Variants in KDM4A observed in about 807,000 individuals in gnomAD.
KDM4A encodes the protein lysine demethylase 4A.
KDM4A carries 23 observed loss-of-function variants against 127.1 expected under a neutral mutation model. The ratio of observed to expected loss-of-function variants is 0.18; its 90% CI spans 0.13 to 0.26. The LOEUF (loss-of-function observed/expected upper bound fraction) is 0.26, where lower values mean the gene tolerates loss of function less well. Among genes scored for constraint, KDM4A ranks in the 10% least tolerant of loss-of-function variants. The pLI, the probability that KDM4A is intolerant of heterozygous loss-of-function variation, is 1.00. For missense variants in KDM4A, 890 were observed against 1,329.1 expected (o/e 0.67, Z 5.14); for synonymous variants, 443 against 466.5 (o/e 0.95, Z 0.65).
At chr1:43,660,158 A>G in intron 3 of KDM4A, 140 bp from the exon 4 acceptor site, 1 of 878,480 alleles carries the variant, frequency 1.1e-6, no homozygotes, top group Non-Finnish European at 1.8e-6. Context: ...ACTACGTATT[A>G]GAGCCTTGAA....
intron 11 of KDM4A, among the ~76,000 whole-genome samples, chr1:43,674,355 C>A (rs1281435124): frequency 6.6e-6 from 1 of 152,114 alleles, no homozygotes; most frequent in Non-Finnish European, 1.5e-5. Context: ...GTGGGAGGTG[C>A]AGGAAGCCAA....
intron 11 of KDM4A, among the ~76,000 whole-genome samples, chr1:43,679,558 C>A (rs1570849272): frequency 6.6e-6 from 1 of 152,124 alleles, no homozygotes; most frequent in Non-Finnish European, 1.5e-5. Context: ...ATCTGGGCTG[C>A]CTGCTGTTCA....
chr1:43,655,494 A>G (rs1028324908), intron 2 of KDM4A, 97 bp from the exon 3 acceptor site: 4 of 1,049,336 alleles, frequency 3.8e-6, no homozygotes, highest in Non-Finnish European at 5.6e-6. Context: ...GTCTAGTAAA[A>G]TTGACTGTTA....
chr1:43,699,650 A>G (rs763013232), intron 19 of KDM4A: 2 of 152,140 alleles, frequency 1.3e-5, no homozygotes, highest in Non-Finnish European at 2.9e-5. Context: ...ATTTTTTTAG[A>G]TTAAAAATAA....
intron 5 of KDM4A, 102 bp downstream of exon 5, chr1:43,663,189 C>G (rs1254789340): frequency 1.0e-6 from 1 of 981,938 alleles, no homozygotes; most frequent in East Asian, 2.5e-5. Flanking sequence ...AGGGCAGACC[C>G]TGGTTCAGGC....
At chr1:43,701,150 A>C (rs1175387869) in intron 19 of KDM4A, among the ~76,000 whole-genome samples, 3 of 151,172 alleles carry the variant, frequency 2.0e-5, no homozygotes, top group Admixed American at 6.6e-5. Context: ...CAATCTCTTG[A>C]CCTCGTGATC....
chr1:43,676,143 G>A (rs546413352), intron 11 of KDM4A, among the ~76,000 whole-genome samples: 1 of 151,388 alleles, frequency 6.6e-6, no homozygotes, highest in Admixed American at 6.6e-5. Flanking sequence ...TTCAGAGGGA[G>A]GCCACGCAGG....
At chr1:43,690,728 G>A in intron 13 of KDM4A, 117 bp from the exon 14 acceptor site, 3 of 940,286 alleles carry the variant, frequency 3.2e-6, no homozygotes, top group Non-Finnish European at 5.2e-6. Context: ...TGTGCACCCG[G>A]GAGCTGTAGC....
At chr1:43,671,354 C>T in intron 10 of KDM4A, 151 bp from the exon 11 acceptor site, 1 of 725,538 alleles carries the variant, frequency 1.4e-6, no homozygotes, top group Non-Finnish European at 2.1e-6. Flanking sequence ...AGCAAATAGC[C>T]CTGGCTCACA....
At chr1:43,685,336 G>A (rs1374060862) in intron 12 of KDM4A, among the ~76,000 whole-genome samples, 1 of 152,100 alleles carries the variant, frequency 6.6e-6, no homozygotes, top group Non-Finnish European at 1.5e-5. Context: ...GTTGGTGACT[G>A]GGCCCTGTCA....
At chr1:43,702,698 T>A (rs1661430573) in intron 19 of KDM4A, 1 of 152,132 alleles carries the variant, frequency 6.6e-6, no homozygotes, top group Non-Finnish European at 1.5e-5. Context: ...CTTTGCCAGG[T>A]CCCATGGTAG....
At chr1:43,695,110 G>T (rs567558049) in intron 18 of KDM4A, among the ~76,000 whole-genome samples, 4 of 152,132 alleles carry the variant, frequency 2.6e-5, no homozygotes, top group African/African-American at 7.2e-5. Context: ...TAGTTGATTC[G>T]TTTTGATTAT....
Position 43,688,893 on chromosome 1 carries a change from C to T in KDM4A, c.1856-21C>T, listed in dbSNP as rs1167306138. On this transcript the variant is annotated intron_variant, in intron 12 of 21. Coordinates refer to ENST00000372396, the MANE Select transcript of KDM4A (RefSeq NM_014663.3). This position sits in a 1 kb window ranked among gnomAD's most constrained non-coding sequence, Gnocchi z 4.4. ...GATGTGCAGGGTTAGTGCTGACTCA[C>T]ACTTCTGTTTCCTCCTCTAGAGACA... The T allele has an allele frequency of 6.2e-7, 1 of 1,610,880 alleles. No individual in the cohort carries two copies. The highest frequency in any genetic ancestry group is 8.5e-7 in the Non-Finnish European group (1 of 1,177,906).
intron 18 of KDM4A, among the ~76,000 whole-genome samples, chr1:43,697,021 T>G (rs1241443429): frequency 1.3e-5 from 2 of 152,066 alleles, no homozygotes; most frequent in African/African-American, 4.8e-5. Flanking sequence ...AAAAATTAAG[T>G]CAGATAAGGG....
intron 6 of KDM4A, 113 bp from the exon 7 acceptor site, chr1:43,666,339 T>C (rs1031624108): frequency 8.7e-6 from 7 of 803,930 alleles, no homozygotes; most frequent in South Asian, 5.0e-5. Context: ...AGAGGTCACA[T>C]TGGTGATGCA....
chr1:43,700,399 T>C (rs1366330326), intron 19 of KDM4A, among the ~76,000 whole-genome samples: 1 of 152,150 alleles, frequency 6.6e-6, no homozygotes, highest in Non-Finnish European at 1.5e-5. Flanking sequence ...AGTGCTGGGA[T>C]TACATCTGTG....
chr1:43,653,357 G>T, intron 2 of KDM4A, 44 bp downstream of exon 2: 1 of 1,533,776 alleles, frequency 6.5e-7, no homozygotes, highest in South Asian at 1.2e-5. Context: ...ACCTAGGGCA[G>T]AGCAGTAAGA....
intron 18 of KDM4A, among the ~76,000 whole-genome samples, chr1:43,695,458 G>A (rs889686471): frequency 2.0e-5 from 3 of 152,202 alleles, no homozygotes; most frequent in African/African-American, 7.2e-5. Context: ...TTGAGAAACA[G>A]AATGAACAGG....
chr1:43,654,464 TTTTTTTC>T (rs1485484811), intron 2 of KDM4A, among the ~76,000 whole-genome samples: 1 of 152,022 alleles, frequency 6.6e-6, no homozygotes, highest in Non-Finnish European at 1.5e-5. Flanking sequence ...TTTTTCTTTT[TTTTTTTC>T]TTTTTTCCTT....
Sources: gnomAD v4.1 joint callset for allele counts (sites outside exome capture counted in the v4.1 genomes callset) on GRCh38, gnomAD v4.1.1 for gene constraint, Gnocchi (gnomAD v3.1) non-coding constraint, MANE v1.5 for transcripts, NCBI Gene and HGNC (gene_info 2026-07-23, HGNC 2026-07-21) for gene names.